The following CAMKMT variants were observed in gnomAD, a reference collection of about 807,000 sequenced individuals.
CAMKMT encodes calmodulin-lysine N-methyltransferase.
CAMKMT carries 53 observed loss-of-function variants against 48.0 expected under a neutral mutation model. That is an observed-to-expected ratio of 1.10 (90% confidence interval 0.89 to 1.39). The LOEUF is 1.39. Ranked by LOEUF, CAMKMT falls within the 40% of genes most tolerant of loss-of-function variation. The pLI, the probability that CAMKMT is intolerant of heterozygous loss-of-function variation, is 0.00. For missense variants in CAMKMT, 428 were observed against 402.7 expected (o/e 1.06, Z -0.54); for synonymous variants, 165 against 152.3 (o/e 1.08, Z -0.61).
At chr2:44,548,955 T>C (rs1239536383) in intron 3 of CAMKMT, among the ~76,000 whole-genome samples, 4 of 152,088 alleles carry the variant, frequency 2.6e-5, no homozygotes, top group African/African-American at 4.8e-5. Context: ...ACCTAAAGAG[T>C]TGTGAACTGA....
At chr2:44,672,257 A>G (rs1675373618) in intron 3 of CAMKMT, among the ~76,000 whole-genome samples, 1 of 152,212 alleles carries the variant, frequency 6.6e-6, no homozygotes, top group African/African-American at 2.4e-5. Flanking sequence ...GAATGGCAGC[A>G]ATACATACTT....
intron 3 of CAMKMT, among the ~76,000 whole-genome samples, chr2:44,580,267 G>GTAAAA: frequency 1.3e-5 from 2 of 148,948 alleles, no homozygotes; most frequent in Middle Eastern, 3.5e-3. Context: ...ATAAAATAAA[G>GTAAAA]TAAAATAAAA....
At chr2:44,590,704 G>T (rs1039075553) in intron 3 of CAMKMT, among the ~76,000 whole-genome samples, 4 of 152,146 alleles carry the variant, frequency 2.6e-5, no homozygotes, top group African/African-American at 7.2e-5. Flanking sequence ...TTTATGGGTT[G>T]CCTGTTCACT....
rs551420178 is a variant in CAMKMT, at chr2:44,618,570, A to G, written c.377-85713A>G. On this transcript the variant is annotated intron_variant, in intron 3 of 10. Transcript: ENST00000378494. The surrounding 1 kb of genome is among the most constrained non-coding windows in gnomAD (Gnocchi z 4.0). Reference sequence around the variant, plus strand: ...GACAAGTTAAATTAGCAGTCTTGAAATGATTCCAACTGTCTCCTGACTTCT... The same window carrying G: ...GACAAGTTAAATTAGCAGTCTTGAAGTGATTCCAACTGTCTCCTGACTTCT... 6.6e-6 allele frequency among the ~76,000 whole-genome samples: 1 copy of G among 152,332 alleles called. No individual in the cohort carries two copies. Among genetic ancestry groups the G allele is most frequent in the African/African-American group, 2.4e-5 (1 of 41,584 alleles).
chr2:44,524,788 A>G (rs1333546236), intron 3 of CAMKMT, among the ~76,000 whole-genome samples: 1 of 152,208 alleles, frequency 6.6e-6, no homozygotes, highest in African/African-American at 2.4e-5. Flanking sequence ...TGTCCTGTTC[A>G]TCATTAATCC....
At chr2:44,679,627 G>T (rs559152069) in intron 3 of CAMKMT, among the ~76,000 whole-genome samples, 1 of 152,206 alleles carries the variant, frequency 6.6e-6, no homozygotes, top group South Asian at 2.1e-4. Context: ...TAATTTTAAC[G>T]TTAACAATGA....
chr2:44,555,143 G>A (rs1667939194), intron 3 of CAMKMT, among the ~76,000 whole-genome samples: 6 of 152,164 alleles, frequency 3.9e-5, no homozygotes, highest in Admixed American at 3.9e-4. Context: ...AGTCGTGTCT[G>A]AAAACATGGC....
At chr2:44,754,222 C>G (rs1279279893) in intron 9 of CAMKMT, 104 bp downstream of exon 9, 1 of 840,840 alleles carries the variant, frequency 1.2e-6, no homozygotes, top group East Asian at 2.5e-5. Context: ...TCATGTAATA[C>G]TTTAATACTT....
intron 3 of CAMKMT, among the ~76,000 whole-genome samples, chr2:44,576,342 A>AAAAAG (rs1558715473): frequency 2.0e-5 from 3 of 151,720 alleles, no homozygotes; most frequent in African/African-American, 4.8e-5. Flanking sequence ...AAAAAAAAAA[A>AAAAAG]AAAAGAAAAG....
intron 3 of CAMKMT, among the ~76,000 whole-genome samples, chr2:44,562,655 G>T (rs1324953413): frequency 2.0e-5 from 3 of 152,030 alleles, no homozygotes; most frequent in Non-Finnish European, 2.9e-5. Flanking sequence ...CCATCTCCTG[G>T]GTTCAAGCAA....
chr2:44,373,990 G>A (rs926018441), intron 2 of CAMKMT, among the ~76,000 whole-genome samples: 1 of 151,850 alleles, frequency 6.6e-6, no homozygotes, highest in Non-Finnish European at 1.5e-5. Flanking sequence ...TGGGCATGGT[G>A]GCATGTGCCT....
intron 2 of CAMKMT, among the ~76,000 whole-genome samples, chr2:44,376,888 G>T (rs1679752025): frequency 6.6e-6 from 1 of 152,128 alleles, no homozygotes; most frequent in Non-Finnish European, 1.5e-5. Context: ...TGTCGTCTTT[G>T]TCTACCTGTG....
chr2:44,449,193 G>T (rs1419805865), intron 3 of CAMKMT, among the ~76,000 whole-genome samples: 1 of 152,100 alleles, frequency 6.6e-6, no homozygotes, highest in African/African-American at 2.4e-5. Flanking sequence ...CAAGAAGCAG[G>T]CTAGAAATGA....
chr2:44,644,203 C>T (rs1327996028), intron 3 of CAMKMT, among the ~76,000 whole-genome samples: 1 of 152,094 alleles, frequency 6.6e-6, no homozygotes, highest in Admixed American at 6.5e-5. Context: ...GTAAATTGCC[C>T]CCTTAGGGTC....
Position 44,725,003 on chromosome 2 carries a change from G to C in CAMKMT, c.623+9650G>C, listed in dbSNP as rs532217904. Among the ~76,000 whole-genome samples the C allele has an allele frequency of 4.6e-5, 7 of 152,268 alleles. No homozygotes were observed. In the East Asian group the frequency reaches 1.4e-3, roughly 29 times the overall value. On this transcript the variant is annotated intron_variant, in intron 7 of 10. Coordinates refer to ENST00000378494, the MANE Select transcript of CAMKMT (RefSeq NM_024766.5). ...CAACTGTAAATATTCTGCAATGCAA[G>C]GGACAGTTCACCACAATGAAGAATT...
At chr2:44,367,750 C>T (rs1678756530) in intron 1 of CAMKMT, among the ~76,000 whole-genome samples, 1 of 152,180 alleles carries the variant, frequency 6.6e-6, no homozygotes, top group Non-Finnish European at 1.5e-5. Flanking sequence ...TTAAGCTGTA[C>T]TCGATGTTTA....
intron 1 of CAMKMT, among the ~76,000 whole-genome samples, chr2:44,367,800 A>G (rs948505553): frequency 1.3e-5 from 2 of 152,242 alleles, no homozygotes; most frequent in African/African-American, 4.8e-5. Flanking sequence ...AAATGTATCT[A>G]TCAAAGTACC....
At chr2:44,417,308 T>C (rs1683625493) in intron 3 of CAMKMT, among the ~76,000 whole-genome samples, 1 of 152,030 alleles carries the variant, frequency 6.6e-6, no homozygotes, top group South Asian at 2.1e-4. Context: ...GGCAGGAGAA[T>C]TGCTTGAATC....
chr2:44,590,396 T>C (rs1670185508), intron 3 of CAMKMT, among the ~76,000 whole-genome samples: 1 of 152,228 alleles, frequency 6.6e-6, no homozygotes, highest in Admixed American at 6.5e-5. Context: ...TAGAATTTTC[T>C]TTGTGGGAAA....
Sources: allele counts gnomAD v4.1 joint callset (sites outside exome capture counted in the v4.1 genomes callset), GRCh38; gene constraint gnomAD v4.1.1; non-coding constraint Gnocchi (gnomAD v3.1); transcripts MANE v1.5; gene names NCBI Gene and HGNC (gene_info 2026-07-23, HGNC 2026-07-21).